Variants in GPM6B observed in about 807,000 individuals in gnomAD.
The protein encoded by GPM6B is neuronal membrane glycoprotein M6-b.
Under a neutral mutation model 27.2 loss-of-function variants are expected in GPM6B, and 4 were observed. That is an observed-to-expected ratio of 0.15 (90% confidence interval 0.07 to 0.34). The LOEUF is 0.34. GPM6B is among the 10% of genes least tolerant of loss of function. The pLI is 1.00. For synonymous variants in GPM6B, 124 were observed against 103.1 expected (o/e 1.20, Z -1.23); for missense variants, 183 against 261.9 (o/e 0.70, Z 2.08).
chrX:13,841,066 GAATA>G (rs769067715), intron 1 of GPM6B, among the ~76,000 whole-genome samples: 8 of 111,977 alleles, frequency 7.1e-5, no homozygotes, highest in East Asian at 2.8e-4. Flanking sequence ...GTTCATATAT[GAATA>G]AACATATGTA....
At chrX:13,920,281 A>T (rs1293648227) in intron 1 of GPM6B, among the ~76,000 whole-genome samples, 2 of 82,627 alleles carry the variant, frequency 2.4e-5, no homozygotes, top group African/African-American at 7.9e-5. Context: ...AAAAAAAAAA[A>T]AAAAAAAGAA....
chrX:13,780,308 G>A (rs916356056), intron 4 of GPM6B, among the ~76,000 whole-genome samples: 14 of 112,134 alleles, frequency 1.2e-4, no homozygotes, highest in African/African-American at 4.2e-4. Context: ...GAGCTAATCA[G>A]TGGCAGCCTC....
intron 1 of GPM6B, among the ~76,000 whole-genome samples, chrX:13,858,616 C>G (rs925354009): frequency 1.8e-5 from 2 of 111,495 alleles, no homozygotes; most frequent in African/African-American, 6.5e-5. Context: ...TTCCAACATA[C>G]TCCAGTCCAG....
At chrX:13,821,951 C>A (rs775903234), upstream of GPM6B, among the ~76,000 whole-genome samples, 1 of 111,917 alleles carries the variant, frequency 8.9e-6, no homozygotes, top group Non-Finnish European at 1.9e-5. Flanking sequence ...GAGAATTCAT[C>A]AAGTTGCATA....
chrX:13,857,166 C>T (rs1341146323), intron 1 of GPM6B, among the ~76,000 whole-genome samples: 2 of 111,193 alleles, frequency 1.8e-5, no homozygotes, highest in Non-Finnish European at 3.8e-5. Flanking sequence ...GAGTAATCTC[C>T]CCATTTTGAG....
chrX:13,796,834 G>A (rs906132847), intron 2 of GPM6B, among the ~76,000 whole-genome samples: 3 of 112,213 alleles, frequency 2.7e-5, no homozygotes, highest in Middle Eastern at 4.6e-3. Context: ...GCAATGATAC[G>A]CTTCCATGAC....
Position 13,861,037 on chromosome X carries a change from CACACACATAT to C in GPM6B, c.-197-75239_-197-75230del, listed in dbSNP as rs1301380962. Reference sequence around the variant, plus strand: ...ACACACACACACACACACACACACACACACACATATATACATATATATACACATACATATA... The same window carrying C: ...ACACACACACACACACACACACACACATACATATATATACACATACATATA... On this transcript the variant is annotated intron_variant, in intron 1 of 6. Coordinates refer to the GPM6B transcript ENST00000398361. Among the ~76,000 whole-genome samples, 219 of 41,918 alleles carry C rather than the reference CACACACATAT, an allele frequency of 5.2e-3. 1 individual carries two copies. Among genetic ancestry groups the C allele is most frequent in the African/African-American group, 0.038 (172 of 4,550 alleles). 36.4% of individuals were successfully genotyped at this position (41,918 alleles called of 115,157 possible).
chrX:13,879,522 G>C (rs755313541), intron 1 of GPM6B, among the ~76,000 whole-genome samples: 117 of 112,385 alleles, frequency 1.0e-3, no homozygotes, highest in African/African-American at 3.5e-3. Flanking sequence ...GGAGAAGCCA[G>C]CCCAGAAACC....
intron 1 of GPM6B, among the ~76,000 whole-genome samples, chrX:13,936,835 C>T (rs1921864985): frequency 8.9e-6 from 1 of 112,560 alleles, no homozygotes; most frequent in Non-Finnish European, 1.9e-5. Flanking sequence ...GCCCACCCTA[C>T]CCCTAAATCA....
chrX:13,853,604 A>AG (rs1278748764), intron 1 of GPM6B, among the ~76,000 whole-genome samples: 1 of 107,434 alleles, frequency 9.3e-6, no homozygotes, highest in Non-Finnish European at 1.9e-5. Context: ...AAAAAAAAAA[A>AG]AAAAAAAAAG....
intron 1 of GPM6B, among the ~76,000 whole-genome samples, chrX:13,865,542 C>CAAAAAAAAAAAAAAAAAAAAAAGAAAA (rs1171503867): frequency 1.4e-4 from 2 of 14,630 alleles, no homozygotes; most frequent in Non-Finnish European, 1.6e-4. Flanking sequence ...TCCATCTCTT[C>CAAAAAAAAAAAAAAAAAAAAAAGAAAA]AAAAAAAAAA....
intron 1 of GPM6B, among the ~76,000 whole-genome samples, chrX:13,865,513 C>T (rs2049899459): frequency 1.5e-5 from 1 of 68,195 alleles, no homozygotes; most frequent in Non-Finnish European, 2.7e-5. Flanking sequence ...CGGCAGATCA[C>T]TGGACCACAC....
At chrX:13,881,024 C>T (rs1603109136) in intron 1 of GPM6B, among the ~76,000 whole-genome samples, 1 of 111,781 alleles carries the variant, frequency 8.9e-6, no homozygotes, top group Non-Finnish European at 1.9e-5. Flanking sequence ...GTTCTAGAGA[C>T]TCTCTGAACA....
chrX:13,868,141 G>A (rs780519151), intron 1 of GPM6B, among the ~76,000 whole-genome samples: 4 of 111,439 alleles, frequency 3.6e-5, no homozygotes, highest in African/African-American at 9.8e-5. Context: ...GTTTCAAGCT[G>A]GGGAAAGAAT....
At chrX:13,896,578 CA>C (rs1375671263) in intron 1 of GPM6B, among the ~76,000 whole-genome samples, 1 of 109,113 alleles carries the variant, frequency 9.2e-6, no homozygotes, top group Non-Finnish European at 1.9e-5. Context: ...TCTTTTTTTT[CA>C]AATTGAGACA....
intron 1 of GPM6B, among the ~76,000 whole-genome samples, chrX:13,898,844 A>C (rs1347747788): frequency 1.8e-5 from 2 of 111,736 alleles, no homozygotes; most frequent in East Asian, 5.6e-4. Flanking sequence ...CGGGCTCATC[A>C]TAAGATACTA....
intron 1 of GPM6B, among the ~76,000 whole-genome samples, chrX:13,844,609 G>T (rs1342455585): frequency 8.9e-6 from 1 of 111,803 alleles, no homozygotes; most frequent in Non-Finnish European, 1.9e-5. Context: ...CCAAGCCCTG[G>T]ACACAAAGAC....
At chrX:13,899,913 T>C (rs2050267671) in intron 1 of GPM6B, among the ~76,000 whole-genome samples, 1 of 112,459 alleles carries the variant, frequency 8.9e-6, no homozygotes. Flanking sequence ...CCTCTCCAGT[T>C]GTAAGATTTT....
At chrX:13,924,610 T>C (rs1360226491) in intron 1 of GPM6B, among the ~76,000 whole-genome samples, 1 of 112,099 alleles carries the variant, frequency 8.9e-6, no homozygotes, top group Non-Finnish European at 1.9e-5. Flanking sequence ...CACAACCACC[T>C]TCAACGGAAG....
Sources: allele counts gnomAD v4.1 joint callset (sites outside exome capture counted in the v4.1 genomes callset), GRCh38; gene constraint gnomAD v4.1.1; transcripts MANE v1.5; gene names NCBI Gene and HGNC (gene_info 2026-07-23, HGNC 2026-07-21).